SLC9D1: variants seen among roughly 807,000 people sequenced by gnomAD.
The protein encoded by SLC9D1 is putative LAG1-interacting protein.
chr13:113,529,117 A>G, the SLC9D1 span: 1 of 152,230 alleles, frequency 6.6e-6, no homozygotes, highest in Non-Finnish European at 1.5e-5. Context: ...GGCATAAGAC[A>G]TTGTCTTAAT....
the SLC9D1 span, chr13:113,514,558 G>T: frequency 7.5e-6 from 1 of 132,884 alleles, no homozygotes; most frequent in South Asian, 2.4e-4. Flanking sequence ...AGCCTCGCTA[G>T]TATTTGGGGT....
the SLC9D1 span, chr13:113,539,398 C>A: frequency 2.5e-6 from 4 of 1,613,600 alleles, no homozygotes; most frequent in Non-Finnish European, 3.4e-6. The surrounding 1 kb of genome is among the most constrained non-coding windows in gnomAD (Gnocchi z 4.8). Context: ...TGGGCTGTTT[C>A]CTGGCTGGAG....
the SLC9D1 span, chr13:113,535,113 G>A: frequency 2.0e-5 from 3 of 152,218 alleles, no homozygotes; most frequent in Non-Finnish European, 2.9e-5. This position sits in a 1 kb window ranked among gnomAD's most constrained non-coding sequence, Gnocchi z 4.1. Context: ...GATAAAAAGC[G>A]CCATAAACAC....
chr13:113,517,822 AGGG>A, the SLC9D1 span, among the ~76,000 whole-genome samples: 30 of 151,012 alleles, frequency 2.0e-4, no homozygotes, highest in African/African-American at 7.1e-4. Flanking sequence ...TGGAGGGAAG[AGGG>A]GCCCCACAGC....
the SLC9D1 span, among the ~76,000 whole-genome samples, chr13:113,507,220 C>G: frequency 6.6e-6 from 1 of 151,860 alleles, no homozygotes; most frequent in East Asian, 1.9e-4. Context: ...AGTCTGGCCC[C>G]ACCCTGGTTC....
At chr13:113,495,894 G>A in the SLC9D1 span, 4 of 1,614,216 alleles carry the variant, frequency 2.5e-6, no homozygotes, top group Non-Finnish European at 3.4e-6. Context: ...AGAGCTGAAT[G>A]AAAGTGAAAA....
the SLC9D1 span, among the ~76,000 whole-genome samples, chr13:113,547,737 G>A: frequency 5.3e-5 from 8 of 152,174 alleles, no homozygotes; most frequent in African/African-American, 1.2e-4. Flanking sequence ...TCTGTCCCCC[G>A]TGACTGCCAG....
the SLC9D1 span, among the ~76,000 whole-genome samples, chr13:113,507,894 G>A: frequency 1.5e-4 from 23 of 152,346 alleles, no homozygotes; most frequent in Admixed American, 3.3e-4. Context: ...GTGTCTTGGC[G>A]CCGGGGGTGC....
At chr13:113,523,771 C>T in the SLC9D1 span, among the ~76,000 whole-genome samples, 1 of 152,180 alleles carries the variant, frequency 6.6e-6, no homozygotes, top group Non-Finnish European at 1.5e-5. Context: ...GTAAATTTCC[C>T]TCTCAGCACT....
chr13:113,495,487 A>G, the SLC9D1 span: 1 of 849,382 alleles, frequency 1.2e-6, no homozygotes, highest in Admixed American at 2.3e-5. Context: ...ATGTGTGACA[A>G]TAACTCTTTT....
the SLC9D1 span, chr13:113,505,272 G>A: frequency 1.3e-5 from 2 of 152,112 alleles, no homozygotes; most frequent in South Asian, 4.1e-4. Context: ...TCTTTTTGGA[G>A]AGCTGTCTAG....
the SLC9D1 span, chr13:113,503,492 T>C: frequency 1.9e-6 from 3 of 1,605,536 alleles, no homozygotes; most frequent in Non-Finnish European, 2.6e-6. Flanking sequence ...TTTGTGTTTT[T>C]CAGTCTATTG....
the SLC9D1 span, among the ~76,000 whole-genome samples, chr13:113,496,446 A>G: frequency 1.3e-5 from 2 of 152,256 alleles, no homozygotes; most frequent in Non-Finnish European, 2.9e-5. Flanking sequence ...TCAGTGTCAT[A>G]TATCGAAAAT....
the SLC9D1 span, among the ~76,000 whole-genome samples, chr13:113,521,253 T>G: frequency 1.3e-5 from 2 of 148,498 alleles, no homozygotes; most frequent in South Asian, 2.2e-4. Context: ...GTGTGTGTGT[T>G]TGTTCTGTGG....
the SLC9D1 span, among the ~76,000 whole-genome samples, chr13:113,532,505 G>C: frequency 1.3e-5 from 2 of 152,168 alleles, no homozygotes; most frequent in Admixed American, 1.3e-4. Context: ...TGAGGGTCCT[G>C]ATGAGCTGTC....
chr13:113,534,018 A>G, the SLC9D1 span: 1 of 1,549,182 alleles, frequency 6.5e-7, no homozygotes, highest in Non-Finnish European at 8.7e-7. Flanking sequence ...TTTGGAAGTG[A>G]AATCACGTCT....
chr13:113,528,721 T>C, the SLC9D1 span: 18 of 146,968 alleles, frequency 1.2e-4, no homozygotes, highest in African/African-American at 4.4e-4. Flanking sequence ...AGGGTCCTTA[T>C]GATAAGAGGG....
chr13:113,523,066 A>T, the SLC9D1 span, among the ~76,000 whole-genome samples: 1 of 150,884 alleles, frequency 6.6e-6, no homozygotes, highest in Non-Finnish European at 1.5e-5. Flanking sequence ...TTGCTAATTT[A>T]TTGAGGATTT....
the SLC9D1 span, among the ~76,000 whole-genome samples, chr13:113,533,168 G>T: frequency 0.29 from 32,779 of 114,730 alleles, 5,977 homozygotes; most frequent in African/African-American, 0.48. Context: ...CCTCCCTCCT[G>T]AAGTTGCAGA....
Sources: allele counts gnomAD v4.1 joint callset (sites outside exome capture counted in the v4.1 genomes callset), GRCh38; gene constraint gnomAD v4.1.1; non-coding constraint Gnocchi (gnomAD v3.1); transcripts MANE v1.5; gene names NCBI Gene and HGNC (gene_info 2026-07-23, HGNC 2026-07-21).